The following NAA16 variants were observed in gnomAD, a reference collection of about 807,000 sequenced individuals.
The protein encoded by NAA16 is NARG1-like protein.
A neutral mutation model predicts 110.3 loss-of-function variants in NAA16; 97 were observed. That is an observed-to-expected ratio of 0.88 (90% CI 0.75 to 1.04). The LOEUF (loss-of-function observed/expected upper bound fraction) is 1.04. NAA16 is among the 50% of genes least tolerant of loss of function. The probability of loss-of-function intolerance (pLI) is 0.00; values close to 1 mark genes in which losing one functional copy is unlikely to be tolerated. For missense variants in NAA16, 1,017 were observed against 1,005.1 expected (o/e 1.01, Z -0.16); for synonymous variants, 372 against 330.6 (o/e 1.13, Z -1.36).
intron 9 of NAA16, among the ~76,000 whole-genome samples, chr13:41,343,119 G>A (rs1391854498): frequency 1.3e-5 from 2 of 152,158 alleles, no homozygotes; most frequent in Non-Finnish European, 2.9e-5. Context: ...ATAAATAAGT[G>A]AAATAGCATC....
Position 41,311,418 on chromosome 13 carries a change from C to T in NAA16, c.-111C>T, listed in dbSNP as rs1566231291. On this transcript the variant is annotated 5_prime_UTR_variant, in exon 1 of 20. Transcript: ENST00000379406. The stretch of plus-strand genomic sequence containing the variant: ...ACTGTAGACCAATGAACTAATCCAT[C>T]GCCCGCAGCCCGACTCTCAGCAGCG... The T allele has an allele frequency of 4.8e-6, 5 of 1,042,690 alleles. No individual in the cohort carries two copies. The highest frequency in any genetic ancestry group is 1.5e-5 in the South Asian group (1 of 68,730). 64.6% of individuals were successfully genotyped at this position (1,042,690 alleles called of 1,614,324 possible).
Position 41,375,814 on chromosome 13 carries a change from G to T in NAA16, c.*212G>T. On this transcript the variant is annotated 3_prime_UTR_variant, in exon 20 of 20. Coordinates refer to ENST00000379406, the MANE Select transcript of NAA16 (RefSeq NM_024561.5). ...CTGTTTATTCTTACACAGTTTTGTGGTAGCTCCGATCGCTTCTGTATAATT... is the reference window on the plus strand; with the variant it reads ...CTGTTTATTCTTACACAGTTTTGTGTTAGCTCCGATCGCTTCTGTATAATT... 1 of 441,762 alleles carries T rather than the reference G, an allele frequency of 2.3e-6. No homozygotes were observed. Among genetic ancestry groups the T allele is most frequent in the Non-Finnish European group, 4.0e-6 (1 of 250,640 alleles). 27.4% of individuals were successfully genotyped at this position (441,762 alleles called of 1,614,324 possible). A position where few individuals can be genotyped will look rare whatever the true frequency, so the allele number is the denominator to read the frequency against.
intron 3 of NAA16, 107 bp downstream of exon 3, chr13:41,319,017 AATGAACTCTGTGT>A (rs1291999927): frequency 1.9e-6 from 1 of 521,382 alleles, no homozygotes; most frequent in African/African-American, 2.0e-5. Flanking sequence ...GAGAGAATTT[AATGAACTCTGTGT>A]ATCCATTACT....
intron 13 of NAA16, among the ~76,000 whole-genome samples, chr13:41,365,448 T>TA (rs907285212): frequency 2.6e-5 from 4 of 151,654 alleles, no homozygotes; most frequent in African/African-American, 7.3e-5. Context: ...AACAAAAAGT[T>TA]AAAAAAAAAT....
At chr13:41,316,954 C>G in intron 2 of NAA16, 24 bp downstream of exon 2, 1 of 1,508,588 alleles carries the variant, frequency 6.6e-7, no homozygotes, top group Non-Finnish European at 9.2e-7. Flanking sequence ...TGAGAGATTG[C>G]TTTAGGGAAA....
intron 3 of NAA16, among the ~76,000 whole-genome samples, chr13:41,319,959 G>A (rs1291744696): frequency 6.6e-6 from 1 of 150,388 alleles, no homozygotes; most frequent in Non-Finnish European, 1.5e-5. Flanking sequence ...ACTTAGCCAC[G>A]TACTGGTATT....
chr13:41,358,437 AATAGAATTATTCT>A lies in NAA16; in HGVS notation c.1225_1237del (p.Glu409Ter). 1 of 1,613,072 alleles carries A rather than the reference AATAGAATTATTCT, an allele frequency of 6.2e-7. No individual in the cohort carries two copies. On this transcript the variant is annotated frameshift_variant, in exon 11 of 20. Coordinates refer to ENST00000379406, the MANE Select transcript of NAA16 (RefSeq NM_024561.5). LOFTEE classifies it high-confidence loss of function. Reference sequence around the variant, plus strand: ...CTGCAATTGCTAGTACTCCAACTCTAATAGAATTATTCTATATGAAAGCAAAAATTTACAAGGT... The same window carrying A: ...CTGCAATTGCTAGTACTCCAACTCTAATATGAAAGCAAAAATTTACAAGGT...
chr13:41,328,669 G>A (rs2042155457), intron 6 of NAA16, 55 bp from the exon 7 acceptor site: 3 of 1,439,680 alleles, frequency 2.1e-6, no homozygotes. Flanking sequence ...GAAGTCCCTG[G>A]GGTCAGATAG....
At chr13:41,338,816 A>G (rs754752959) in intron 9 of NAA16, among the ~76,000 whole-genome samples, 4 of 152,160 alleles carry the variant, frequency 2.6e-5, no homozygotes, top group Non-Finnish European at 5.9e-5. Flanking sequence ...GGTTACACAG[A>G]TAAGTTCTTT....
At chr13:41,367,138 A>C (rs1366600123) in intron 13 of NAA16, among the ~76,000 whole-genome samples, 1 of 152,160 alleles carries the variant, frequency 6.6e-6, no homozygotes, top group Non-Finnish European at 1.5e-5. Context: ...TAAAACTAAA[A>C]TATTAATATA....
At chr13:41,365,652 GAC>G (rs2043193927) in intron 13 of NAA16, among the ~76,000 whole-genome samples, 1 of 152,196 alleles carries the variant, frequency 6.6e-6, no homozygotes, top group African/African-American at 2.4e-5. Flanking sequence ...GGGTTCGCAA[GAC>G]ACAGTGCTTT....
At chr13:41,362,485 C>A in intron 13 of NAA16, 1 of 351,610 alleles carries the variant, frequency 2.8e-6, no homozygotes. Context: ...TAAGAGGACA[C>A]ACAGCTGATG....
chr13:41,318,180 C>T (rs2041855544), intron 2 of NAA16, among the ~76,000 whole-genome samples: 1 of 151,538 alleles, frequency 6.6e-6, no homozygotes, highest in African/African-American at 2.4e-5. Flanking sequence ...GATTTAATTC[C>T]ATTAAGACTC....
intron 2 of NAA16, among the ~76,000 whole-genome samples, chr13:41,317,760 A>G (rs1377623266): frequency 6.6e-6 from 1 of 152,242 alleles, no homozygotes; most frequent in Non-Finnish European, 1.5e-5. Flanking sequence ...TGTAAAACAG[A>G]TAAAAGGTGT....
intron 2 of NAA16, among the ~76,000 whole-genome samples, chr13:41,318,307 G>A (rs958691548): frequency 6.6e-6 from 1 of 151,936 alleles, no homozygotes; most frequent in Non-Finnish European, 1.5e-5. Context: ...CTGGGTTCAA[G>A]CAGTGCTCCT....
intron 9 of NAA16, among the ~76,000 whole-genome samples, chr13:41,344,141 TTC>T (rs1322761527): frequency 1.3e-5 from 2 of 152,220 alleles, no homozygotes; most frequent in African/African-American, 4.8e-5. Context: ...TCATATTTTC[TTC>T]TCTCAGAGTC....
chr13:41,340,295 A>AT (rs1373311267), intron 9 of NAA16, among the ~76,000 whole-genome samples: 6 of 151,910 alleles, frequency 3.9e-5, no homozygotes, highest in African/African-American at 7.3e-5. Context: ...GGATTCATTG[A>AT]TTTTTTTGAA....
Position 41,358,442 on chromosome 13 carries a change from A to C in NAA16, c.1226A>C (p.Glu409Ala). The C allele has an allele frequency of 6.2e-7, 1 of 1,613,472 alleles. No individual in the cohort carries two copies. Among genetic ancestry groups the C allele is most frequent in the Non-Finnish European group, 8.5e-7 (1 of 1,179,460 alleles). Residue 409 changes from glutamate (E) to alanine (A), a missense_variant, in exon 11 of 20, where the codon GAA becomes GCA. Glu to Ala is a moderately radical substitution (Grantham distance 107). Coordinates refer to ENST00000379406, the MANE Select transcript of NAA16 (RefSeq NM_024561.5). ...AAIASTPTLI[E>A]LFYMKAKIYK... ...ATTGCTAGTACTCCAACTCTAATAG[A>C]ATTATTCTATATGAAAGCAAAAATT...
intron 13 of NAA16, among the ~76,000 whole-genome samples, chr13:41,366,746 A>T (rs969416511): frequency 6.6e-6 from 1 of 152,236 alleles, no homozygotes; most frequent in African/African-American, 2.4e-5. Flanking sequence ...CTGTATTTAT[A>T]TAACAGTTTA....
Sources: gnomAD v4.1 joint callset for allele counts (sites outside exome capture counted in the v4.1 genomes callset) on GRCh38, gnomAD v4.1.1 for gene constraint, MANE v1.5 for transcripts, NCBI Gene and HGNC (gene_info 2026-07-23, HGNC 2026-07-21) for gene names.